The following COG4 variants were observed in gnomAD, a reference collection of about 807,000 sequenced individuals.
COG4 encodes the protein conserved oligomeric Golgi complex subunit 4.
COG4 carries 65 observed loss-of-function variants against 95.1 expected under a neutral mutation model. The ratio of observed to expected loss-of-function variants is 0.68; its 90% CI spans 0.56 to 0.84. The LOEUF is 0.84. Among genes scored for constraint, COG4 ranks in the 40% least tolerant of loss-of-function variants. The pLI, the probability that COG4 is intolerant of heterozygous loss-of-function variation, is 0.00. For missense variants in COG4, 1,045 were observed against 989.1 expected, an observed-to-expected ratio of 1.06 and a Z score of -0.76; for synonymous variants, 421 against 374.8, an observed-to-expected ratio of 1.12 and a Z score of -1.42.
chr16:70,496,469 C>T, intron 11 of COG4, 38 bp from the exon 12 acceptor site: 1 of 1,609,652 alleles, frequency 6.2e-7, no homozygotes, highest in Middle Eastern at 1.7e-4. Flanking sequence ...TGACAGTGCT[C>T]AACTTGGCCA....
chr16:70,521,007 C>T (rs2049930516), intron 1 of COG4, among the ~76,000 whole-genome samples: 1 of 152,102 alleles, frequency 6.6e-6, no homozygotes. Context: ...CCTACCCCAG[C>T]CCCCCAAATA....
intron 3 of COG4, among the ~76,000 whole-genome samples, chr16:70,515,012 C>CTTTTTTT (rs545289187): frequency 7.1e-6 from 1 of 140,544 alleles, no homozygotes; most frequent in Non-Finnish European, 1.5e-5. Flanking sequence ...CAGAGCCCAA[C>CTTTTTTT]TTTTTTTTTT....
chr16:70,509,826 A>G (rs2049660495), intron 6 of COG4, 90 bp downstream of exon 6: 2 of 926,616 alleles, frequency 2.2e-6, no homozygotes, highest in African/African-American at 1.6e-5. Context: ...ATTAAATTAA[A>G]GTCATCAGGC....
chr16:70,485,639 G>A (rs1433506234), intron 13 of COG4, among the ~76,000 whole-genome samples: 1 of 148,156 alleles, frequency 6.7e-6, no homozygotes. Context: ...AGGCTGGAGT[G>A]CAACGACATG....
At chr16:70,493,025 G>A (rs2049276131) in intron 12 of COG4, among the ~76,000 whole-genome samples, 1 of 152,120 alleles carries the variant, frequency 6.6e-6, no homozygotes, top group African/African-American at 2.4e-5. Flanking sequence ...CCATTCAGAG[G>A]AAAGAACAAA....
chr16:70,498,456 G>A (rs1475283006), intron 9 of COG4, among the ~76,000 whole-genome samples: 1 of 151,680 alleles, frequency 6.6e-6, no homozygotes, highest in Non-Finnish European at 1.5e-5. Context: ...AGCCTCCCGA[G>A]TAGCTGGGAT....
Position 70,497,925 on chromosome 16 carries a change from C to G in COG4, c.1314+12G>C. 1 of 1,467,244 alleles carries G rather than the reference C, an allele frequency of 6.8e-7. No homozygotes were observed. Among genetic ancestry groups the G allele is most frequent in the Non-Finnish European group, 9.6e-7 (1 of 1,046,236 alleles). 90.9% of individuals were successfully genotyped at this position (1,467,244 alleles called of 1,614,324 possible). A position where few individuals can be genotyped will look rare whatever the true frequency, so the allele number is the denominator to read the frequency against. On this transcript the variant is annotated intron_variant, in intron 10 of 18. Transcript: ENST00000323786. ...GAAGCCCCATTTCCAAGAGATGCGT[C>G]CTATGTCCTACCTTATTGACAGTCT...
chr16:70,500,857 A>G, intron 9 of COG4, 101 bp downstream of exon 9: 1 of 1,436,812 alleles, frequency 7.0e-7, no homozygotes, highest in Non-Finnish European at 9.8e-7. Context: ...GGGGCTAATA[A>G]GTTCCAATTG....
At position 70,482,714 on chromosome 16, in the gene COG4, T is replaced by C. The variant is rs780438779; in HGVS notation, c.1920+15A>G. 19 of 1,609,912 alleles carry C rather than the reference T, an allele frequency of 1.2e-5. No homozygotes were observed. The highest frequency in any genetic ancestry group is 1.4e-5 in the Non-Finnish European group (17 of 1,176,586). On this transcript the variant is annotated intron_variant, in intron 15 of 18. Transcript: ENST00000323786. ...GGGTCATCGGGGCTTGATGGCTGCC[T>C]GTGGCCAGGCTAACCTCCTCGATGT...
At chr16:70,505,051 T>G (rs1238027449) in intron 8 of COG4, among the ~76,000 whole-genome samples, 1 of 152,208 alleles carries the variant, frequency 6.6e-6, no homozygotes, top group Non-Finnish European at 1.5e-5. Context: ...CTATTGCTAT[T>G]ATCTACTTTA....
At chr16:70,508,800 C>T in intron 7 of COG4, 1 of 562,102 alleles carries the variant, frequency 1.8e-6, no homozygotes, top group Non-Finnish European at 3.4e-6. Context: ...ACTTTCTCTG[C>T]TCAAAAGAAG....
Position 70,480,949 on chromosome 16 carries a change from C to G in COG4, c.*61G>C. On this transcript the variant is annotated 3_prime_UTR_variant, in exon 19 of 19. Transcript: ENST00000323786. ...CAGACAGCCTCGCTCAGCTCCTTGG[C>G]TGGGGCCCCTTAGGGAACAGGCCTG... 1 of 1,603,500 alleles carries G rather than the reference C, an allele frequency of 6.2e-7. No homozygotes were observed.
At chr16:70,518,214 G>A (rs1490735712) in intron 2 of COG4, among the ~76,000 whole-genome samples, 1 of 152,112 alleles carries the variant, frequency 6.6e-6, no homozygotes, top group Non-Finnish European at 1.5e-5. Flanking sequence ...GAGCTACTGC[G>A]CCTGGCCAAA....
chr16:70,506,795 T>TA (rs58661824), intron 8 of COG4, among the ~76,000 whole-genome samples: 26 of 145,288 alleles, frequency 1.8e-4, no homozygotes, highest in Admixed American at 7.7e-4. Context: ...GTTTCTAATT[T>TA]AAAAAAAAAA....
chr16:70,507,596 C>A (rs561547770), intron 8 of COG4, among the ~76,000 whole-genome samples: 1 of 152,052 alleles, frequency 6.6e-6, no homozygotes, highest in Non-Finnish European at 1.5e-5. Context: ...TATGGTGGCT[C>A]ATGCCTATAA....
intron 1 of COG4, among the ~76,000 whole-genome samples, chr16:70,520,681 C>T (rs1478818060): frequency 2.0e-5 from 3 of 150,956 alleles, no homozygotes; most frequent in African/African-American, 7.3e-5. Context: ...ACACCACACA[C>T]ATCTTGCTGA....
chr16:70,483,611 T>C (rs2049060467), intron 14 of COG4, among the ~76,000 whole-genome samples: 1 of 152,090 alleles, frequency 6.6e-6, no homozygotes, highest in Admixed American at 6.6e-5. Context: ...GCTCTTGTCA[T>C]TGTGGGGCCA....
At chr16:70,499,421 C>A (rs566284346) in intron 9 of COG4, among the ~76,000 whole-genome samples, 1 of 152,216 alleles carries the variant, frequency 6.6e-6, no homozygotes, top group South Asian at 2.1e-4. Context: ...CCTTTATACA[C>A]TGATTCTGTA....
rs1363696522 is a variant in COG4 at position 70,512,431 on chromosome 16, C to A, written c.546G>T (p.Gly182=). 3 of 1,613,350 alleles carry A rather than the reference C, an allele frequency of 1.9e-6. No individual in the cohort carries two copies. The highest frequency in any genetic ancestry group is 1.1e-5 in the South Asian group (1 of 90,964). The change falls in exon 5 of 19, where the codon GGG becomes GGT. Residue 182 remains glycine, a splice_region_variant and synonymous_variant. Transcript: ENST00000323786. The part of the protein sequence containing the change: ...VIELSRQGKE[G]SMIDANLKLL... The stretch of plus-strand genomic sequence containing the variant: ...ATTTCAGGTTGGCATCAATCATGCT[C>A]CCTGCTCAACAGGGAGAAAATGAAA...
Sources: gnomAD v4.1 joint callset for allele counts (sites outside exome capture counted in the v4.1 genomes callset) on GRCh38, gnomAD v4.1.1 for gene constraint, MANE v1.5 for transcripts, NCBI Gene and HGNC (gene_info 2026-07-23, HGNC 2026-07-21) for gene names.